Variants in GRM1 observed in about 807,000 individuals in gnomAD.
The protein encoded by GRM1 is metabotropic glutamate receptor 1.
GRM1 carries 33 observed loss-of-function variants against 90.9 expected under a neutral mutation model. That is an observed-to-expected ratio of 0.36 (90% CI 0.28 to 0.49). The LOEUF is 0.49. Ranked by LOEUF, GRM1 falls within the 20% of genes least tolerant of loss-of-function variation. GRM1 has a pLI of 0.99. For synonymous variants in GRM1, 700 were observed against 613.2 expected (o/e 1.14, Z -2.09); for missense variants, 1,190 against 1,534.3 (o/e 0.78, Z 3.75).
At chr6:146,100,136 A>G (rs1583001453) in intron 1 of GRM1, among the ~76,000 whole-genome samples, 1 of 152,140 alleles carries the variant, frequency 6.6e-6, no homozygotes, top group East Asian at 1.9e-4. Context: ...GTAACTTTTT[A>G]AAAAACAGAA....
intron 1 of GRM1, among the ~76,000 whole-genome samples, chr6:146,108,927 G>C (rs370688642): frequency 3.3e-5 from 5 of 152,292 alleles, no homozygotes; most frequent in African/African-American, 1.2e-4. Flanking sequence ...GTGGAACTTT[G>C]AATGTGAGAG....
intron 7 of GRM1, among the ~76,000 whole-genome samples, chr6:146,406,773 G>C (rs751670205): frequency 6.6e-6 from 1 of 152,154 alleles, no homozygotes; most frequent in African/African-American, 2.4e-5. Context: ...GGCGAAGGTT[G>C]CAGTGAGCCA....
chr6:146,043,521 T>A (rs1306201938), intron 1 of GRM1, among the ~76,000 whole-genome samples: 3 of 151,850 alleles, frequency 2.0e-5, no homozygotes, highest in Non-Finnish European at 4.4e-5. Flanking sequence ...AACATATTAT[T>A]TTTAGATTTA....
chr6:146,078,237 C>A (rs1048174632), intron 1 of GRM1, among the ~76,000 whole-genome samples: 5 of 152,140 alleles, frequency 3.3e-5, no homozygotes, highest in Non-Finnish European at 5.9e-5. Flanking sequence ...AGGCTGAGAT[C>A]TGCCGGTGTG....
At chr6:146,268,051 C>T (rs1781984892) in intron 2 of GRM1, among the ~76,000 whole-genome samples, 1 of 152,116 alleles carries the variant, frequency 6.6e-6, no homozygotes, top group African/African-American at 2.4e-5. Flanking sequence ...CTTTTGAAGC[C>T]CTGTGAATTC....
At chr6:146,290,278 T>C (rs1029325991) in intron 2 of GRM1, among the ~76,000 whole-genome samples, 5 of 152,164 alleles carry the variant, frequency 3.3e-5, no homozygotes, top group African/African-American at 7.2e-5. Flanking sequence ...GAAAGATCCA[T>C]GGACGCAACT....
intron 1 of GRM1, among the ~76,000 whole-genome samples, chr6:146,125,833 C>A (rs545981879): frequency 2.0e-4 from 31 of 152,116 alleles, no homozygotes; most frequent in African/African-American, 6.7e-4. Context: ...TTGAAGGAAG[C>A]AGCCTATTCT....
At chr6:146,101,780 CTATAAT>C (rs550413938) in intron 1 of GRM1, among the ~76,000 whole-genome samples, 18 of 149,386 alleles carry the variant, frequency 1.2e-4, no homozygotes, top group Non-Finnish European at 2.5e-4. Flanking sequence ...ATACTTATAG[CTATAAT>C]TATAATTATA....
chr6:146,398,388 T>G (rs1282491464), intron 6 of GRM1, among the ~76,000 whole-genome samples: 1 of 152,218 alleles, frequency 6.6e-6, no homozygotes, highest in African/African-American at 2.4e-5. Context: ...TCTTAATAAT[T>G]TATTCTATCC....
chr6:146,206,410 A>G (rs948486180), intron 2 of GRM1, among the ~76,000 whole-genome samples: 1 of 152,070 alleles, frequency 6.6e-6, no homozygotes, highest in Non-Finnish European at 1.5e-5. Flanking sequence ...TGCCAGGGTT[A>G]TCATTCCTTA....
At chr6:146,335,971 C>G (rs1022049210) in intron 3 of GRM1, among the ~76,000 whole-genome samples, 2 of 152,168 alleles carry the variant, frequency 1.3e-5, no homozygotes, top group African/African-American at 4.8e-5. Context: ...CACATGATCT[C>G]CTGCCTGTGT....
intron 3 of GRM1, among the ~76,000 whole-genome samples, chr6:146,312,295 A>T (rs1783799402): frequency 7.3e-6 from 1 of 136,324 alleles, no homozygotes; most frequent in Non-Finnish European, 1.5e-5. Flanking sequence ...GAGCTGACAT[A>T]GCGCCACTGC....
At chr6:146,067,001 G>C (rs1225204854) in intron 1 of GRM1, among the ~76,000 whole-genome samples, 1 of 152,002 alleles carries the variant, frequency 6.6e-6, no homozygotes, top group African/African-American at 2.4e-5. Context: ...TTTTATTTTT[G>C]TCTTCACATT....
chr6:146,225,147 TG>T (rs1283278940), intron 2 of GRM1, among the ~76,000 whole-genome samples: 1 of 152,178 alleles, frequency 6.6e-6, no homozygotes, highest in Non-Finnish European at 1.5e-5. Context: ...GACCGATATC[TG>T]GTCCACGGGA....
intron 2 of GRM1, among the ~76,000 whole-genome samples, chr6:146,246,189 A>G (rs558263236): frequency 3.9e-4 from 60 of 152,344 alleles, no homozygotes; most frequent in Non-Finnish European, 6.2e-4. Flanking sequence ...TCCAGAGAGC[A>G]GGCATTTGGA....
intron 2 of GRM1, among the ~76,000 whole-genome samples, chr6:146,279,850 T>C (rs144628357): frequency 1.3e-3 from 196 of 152,298 alleles, no homozygotes; most frequent in African/African-American, 4.3e-3. Flanking sequence ...GCTTGCATCA[T>C]TTTTCTATGA....
At chr6:146,162,897 G>A (rs1583095308) in intron 2 of GRM1, among the ~76,000 whole-genome samples, 1 of 152,170 alleles carries the variant, frequency 6.6e-6, no homozygotes, top group South Asian at 2.1e-4. Context: ...TATTTACTTA[G>A]TAGCTTTTTG....
In GRM1 at chr6:146,114,952, A is replaced by G. The variant is rs73578847; in HGVS notation, c.701-44396A>G. Among the ~76,000 whole-genome samples the G allele has an allele frequency of 9.9e-3, 1,513 of 152,230 alleles. 22 individuals carry two copies. The highest frequency in any genetic ancestry group is 0.035 in the African/African-American group (1,437 of 41,538). ...ATACTGTGGATATAAGGTTTATCAA[A>G]GGCTTACCTAAGGACTACAGGACAT... On this transcript the variant is annotated intron_variant, in intron 1 of 7. Coordinates refer to ENST00000282753, the MANE Select transcript of GRM1 (RefSeq NM_001278064.2).
At chr6:146,253,045 C>T (rs58126608) in intron 2 of GRM1, among the ~76,000 whole-genome samples, 3 of 146,356 alleles carry the variant, frequency 2.0e-5, no homozygotes, top group Non-Finnish European at 4.4e-5. Context: ...GGTGACAGAG[C>T]GAATCTCCAT....
Sources: allele counts gnomAD v4.1 joint callset (sites outside exome capture counted in the v4.1 genomes callset), GRCh38; gene constraint gnomAD v4.1.1; transcripts MANE v1.5; gene names NCBI Gene and HGNC (gene_info 2026-07-23, HGNC 2026-07-21).